Variants in SHISA6 observed in about 807,000 individuals in gnomAD.
SHISA6 encodes protein shisa-6.
A neutral mutation model predicts 47.9 loss-of-function variants in SHISA6; 22 were observed. The observed-to-expected ratio is 0.46, with a 90% CI of 0.33 to 0.66. The LOEUF is 0.66. Among genes scored for constraint, SHISA6 ranks in the 30% least tolerant of loss-of-function variants. The pLI is 0.02. For synonymous variants in SHISA6, 388 were observed against 337.8 expected (o/e 1.15, Z -1.63); for missense variants, 680 against 764.6 (o/e 0.89, Z 1.30).
chr17:11,335,920 G>A (rs558775002), intron 2 of SHISA6, among the ~76,000 whole-genome samples: 2 of 152,236 alleles, frequency 1.3e-5, no homozygotes, highest in East Asian at 3.9e-4. Flanking sequence ...AAGTGGGCCA[G>A]GCGTGGTGGC....
chr17:11,325,385 G>A (rs1567573427), intron 2 of SHISA6, among the ~76,000 whole-genome samples: 2 of 152,174 alleles, frequency 1.3e-5, no homozygotes, highest in Non-Finnish European at 1.5e-5. Context: ...CCACTGCTGC[G>A]GCTACCCGAG....
chr17:11,256,455 C>T (rs577435432), intron 1 of SHISA6, among the ~76,000 whole-genome samples: 21 of 152,100 alleles, frequency 1.4e-4, no homozygotes, highest in Admixed American at 5.9e-4. Context: ...GAGATCACAC[C>T]GCTGCACTCC....
At chr17:11,487,810 T>C (rs888141) in intron 3 of SHISA6, among the ~76,000 whole-genome samples, 17,225 of 152,166 alleles carry the variant, frequency 0.11, 1,316 homozygotes, top group Non-Finnish European at 0.17. Flanking sequence ...AGTCTAAGTC[T>C]TAGGGATGTG....
intron 2 of SHISA6, among the ~76,000 whole-genome samples, chr17:11,375,609 T>C (rs535505323): frequency 6.6e-6 from 1 of 152,310 alleles, no homozygotes; most frequent in East Asian, 1.9e-4. Context: ...CTCCACTTGC[T>C]TTCTTATCAG....
intron 2 of SHISA6, among the ~76,000 whole-genome samples, chr17:11,310,074 G>A (rs1007638282): frequency 2.6e-5 from 4 of 152,206 alleles, no homozygotes; most frequent in African/African-American, 7.2e-5. Flanking sequence ...GGAGTGGAGT[G>A]TGTCTGGCTA....
chr17:11,534,620 T>G (rs1175101526), intron 3 of SHISA6, among the ~76,000 whole-genome samples: 1 of 151,392 alleles, frequency 6.6e-6, no homozygotes, highest in African/African-American at 2.4e-5. Context: ...GAGTTCACAG[T>G]AAAGAAAGAT....
chr17:11,460,988 TA>T (rs749507116), intron 3 of SHISA6, among the ~76,000 whole-genome samples: 24 of 152,364 alleles, frequency 1.6e-4, no homozygotes, highest in South Asian at 1.2e-3. Context: ...TTTTATTGAT[TA>T]ATTAATGAAT....
At chr17:11,387,454 G>A (rs1913235116) in intron 3 of SHISA6, among the ~76,000 whole-genome samples, 4 of 152,160 alleles carry the variant, frequency 2.6e-5, no homozygotes, top group African/African-American at 9.7e-5. Flanking sequence ...CTGAGGAGGA[G>A]GAGCTGTGGG....
At chr17:11,424,027 A>G (rs192871114) in intron 3 of SHISA6, among the ~76,000 whole-genome samples, 8 of 152,336 alleles carry the variant, frequency 5.3e-5, no homozygotes, top group Admixed American at 5.2e-4. Context: ...AGTATAAAAG[A>G]AAAGATTAGG....
chr17:11,528,761 A>G lies in SHISA6; in HGVS notation c.896-23135A>G, dbSNP rs552678901. ...CCAAGGAGATGCTTTTGGGCAACAG[A>G]CTCCCATAACAGAAGCCTGCATGAC... On this transcript the variant is annotated intron_variant, in intron 3 of 5. Coordinates refer to ENST00000441885, the MANE Select transcript of SHISA6 (RefSeq NM_207386.4). Among the ~76,000 whole-genome samples, 22 of 152,140 alleles carry G rather than the reference A, an allele frequency of 1.4e-4. 1 individual carries two copies. The highest frequency in any genetic ancestry group is 3.4e-3 in the Middle Eastern group (1 of 294).
chr17:11,519,937 TC>T (rs1210612411), intron 3 of SHISA6, among the ~76,000 whole-genome samples: 3 of 152,126 alleles, frequency 2.0e-5, no homozygotes, highest in African/African-American at 4.8e-5. Flanking sequence ...TCCTAACTGC[TC>T]TCCTCTGTCA....
chr17:11,303,364 GTGT>G (rs578076268), intron 2 of SHISA6, among the ~76,000 whole-genome samples: 96 of 151,678 alleles, frequency 6.3e-4, no homozygotes, highest in African/African-American at 2.1e-3. Flanking sequence ...GTTGTGTGTG[GTGT>G]TTTGTGCATG....
intron 3 of SHISA6, among the ~76,000 whole-genome samples, chr17:11,464,018 G>A (rs1915753112): frequency 5.9e-5 from 9 of 152,126 alleles, no homozygotes; most frequent in Admixed American, 5.9e-4. Context: ...CTGGACTCAA[G>A]TGATCCACTC....
intron 3 of SHISA6, among the ~76,000 whole-genome samples, chr17:11,496,848 A>G (rs970532492): frequency 1.3e-5 from 2 of 152,154 alleles, no homozygotes; most frequent in Non-Finnish European, 2.9e-5. Context: ...CAGCTAAAGG[A>G]GCCAATTATT....
In SHISA6 at chr17:11,546,341, T is replaced by C. The variant is rs1160443563; in HGVS notation, c.896-5555T>C. Among the ~76,000 whole-genome samples the C allele has an allele frequency of 2.6e-5, 4 of 152,278 alleles. No homozygotes were observed. In the East Asian group the frequency reaches 7.7e-4, roughly 29 times the overall value. On this transcript the variant is annotated intron_variant, in intron 3 of 5. Transcript: ENST00000441885. ...GGGCTTTGCGGAGAAGGCATGATCA[T>C]ACTACACAACTATAGCAGAGAGGAG...
intron 3 of SHISA6, among the ~76,000 whole-genome samples, chr17:11,463,041 T>C (rs1451562290): frequency 2.6e-5 from 4 of 152,210 alleles, no homozygotes; most frequent in Non-Finnish European, 4.4e-5. Context: ...ATCTACTTTA[T>C]GAAAAACCTA....
At chr17:11,502,193 A>G (rs1348831138) in intron 3 of SHISA6, among the ~76,000 whole-genome samples, 8 of 145,810 alleles carry the variant, frequency 5.5e-5, no homozygotes, top group Admixed American at 5.5e-4. Flanking sequence ...GCGGATCACG[A>G]GGTCAGGAGA....
chr17:11,555,621 G>A (rs1317677605), intron 4 of SHISA6, 119 bp from the exon 5 acceptor site: 5 of 1,190,618 alleles, frequency 4.2e-6, no homozygotes, highest in Non-Finnish European at 5.7e-6. Context: ...TATCACCTAT[G>A]TCCAAGCACA....
intron 3 of SHISA6, among the ~76,000 whole-genome samples, chr17:11,484,876 G>A (rs1282919862): frequency 6.6e-6 from 1 of 152,182 alleles, no homozygotes; most frequent in Non-Finnish European, 1.5e-5. Context: ...CTGAGTAGAG[G>A]TAAATTCTCA....
Sources: gnomAD v4.1 joint callset for allele counts (sites outside exome capture counted in the v4.1 genomes callset) on GRCh38, gnomAD v4.1.1 for gene constraint, MANE v1.5 for transcripts, NCBI Gene and HGNC (gene_info 2026-07-23, HGNC 2026-07-21) for gene names.